Variants in TXNDC16 observed in about 807,000 individuals in gnomAD.
TXNDC16 encodes thioredoxin domain containing 16.
In TXNDC16, 74 loss-of-function variants were observed where a neutral mutation model predicts 85.6. That is an observed-to-expected ratio of 0.86 (90% confidence interval 0.72 to 1.05). The LOEUF (loss-of-function observed/expected upper bound fraction) is 1.05. Among genes scored for constraint, TXNDC16 ranks in the 50% least tolerant of loss-of-function variants. The pLI, the probability that TXNDC16 is intolerant of heterozygous loss-of-function variation, is 0.00. For missense variants in TXNDC16, 959 were observed against 947.0 expected (o/e 1.01, Z -0.17); for synonymous variants, 335 against 326.5 (o/e 1.03, Z -0.28).
At chr14:52,533,309 T>A (rs149706728) in intron 6 of TXNDC16, among the ~76,000 whole-genome samples, 8 of 152,300 alleles carry the variant, frequency 5.3e-5, no homozygotes, top group Admixed American at 1.3e-4. Context: ...ATTAACAAGT[T>A]TGTAGTTTTA....
intron 12 of TXNDC16, among the ~76,000 whole-genome samples, chr14:52,488,093 G>A (rs1187050545): frequency 6.6e-6 from 1 of 152,216 alleles, no homozygotes; most frequent in African/African-American, 2.4e-5. Flanking sequence ...ACGGCTGAAA[G>A]AACTGATATG....
intron 9 of TXNDC16, among the ~76,000 whole-genome samples, chr14:52,505,059 A>C (rs941762263): frequency 1.3e-5 from 2 of 152,250 alleles, no homozygotes; most frequent in African/African-American, 4.8e-5. Flanking sequence ...AGGAGTAACC[A>C]GATTCATAAA....
At chr14:52,550,833 A>G (rs529706102) in intron 1 of TXNDC16, among the ~76,000 whole-genome samples, 1 of 152,316 alleles carries the variant, frequency 6.6e-6, no homozygotes, top group East Asian at 1.9e-4. Context: ...ACTTAAGCAC[A>G]TTACTGCAAT....
At chr14:52,531,087 T>TA (rs2037566640) in intron 6 of TXNDC16, among the ~76,000 whole-genome samples, 1 of 152,024 alleles carries the variant, frequency 6.6e-6, no homozygotes, top group Non-Finnish European at 1.5e-5. Context: ...CTCCACATCA[T>TA]AAGTCATCAG....
At chr14:52,534,471 T>C (rs1195224190) in intron 6 of TXNDC16, among the ~76,000 whole-genome samples, 7 of 152,202 alleles carry the variant, frequency 4.6e-5, no homozygotes, top group Non-Finnish European at 2.9e-5. Flanking sequence ...AGACAATTCT[T>C]CTTCCGATGT....
chr14:52,439,286 T>C lies in TXNDC16; in HGVS notation c.2112A>G (p.Ala704=). The part of the protein sequence containing the change: ...VNLHSGGQVF[A]FPSDQAIIEE... ...CAATTATAGCCTGGTCTGAAGGAAA[T>C]GCAAATACTTGGCCACCTGAATGCA... Residue 704 remains alanine (A), a synonymous_variant, in exon 20 of 21, where the codon GCA becomes GCG. Coordinates refer to ENST00000281741, the MANE Select transcript of TXNDC16 (RefSeq NM_020784.3). 1 of 1,614,068 alleles carries C rather than the reference T, an allele frequency of 6.2e-7. No homozygotes were observed. The highest frequency in any genetic ancestry group is 8.5e-7 in the Non-Finnish European group (1 of 1,179,998).
intron 7 of TXNDC16, among the ~76,000 whole-genome samples, chr14:52,518,376 A>G (rs1280054320): frequency 6.6e-6 from 1 of 152,220 alleles, no homozygotes; most frequent in Non-Finnish European, 1.5e-5. Context: ...AGTGAATTCC[A>G]AGAGCTTCCT....
intron 11 of TXNDC16, 37 bp downstream of exon 11, chr14:52,490,354 A>T: frequency 2.8e-6 from 4 of 1,430,402 alleles, no homozygotes; most frequent in Non-Finnish European, 3.8e-6. Context: ...TTCTTTAAAT[A>T]AACAGATATT....
intron 16 of TXNDC16, among the ~76,000 whole-genome samples, chr14:52,463,949 T>C (rs886097031): frequency 1.3e-5 from 2 of 152,164 alleles, no homozygotes; most frequent in Admixed American, 6.5e-5. Flanking sequence ...GGAACGAATA[T>C]CTAACTGACA....
intron 14 of TXNDC16, among the ~76,000 whole-genome samples, chr14:52,480,577 A>G (rs958226981): frequency 1.3e-5 from 2 of 152,150 alleles, no homozygotes; most frequent in African/African-American, 2.4e-5. Flanking sequence ...AAAATGCTCA[A>G]CAACACCAAT....
chr14:52,502,936 T>G (rs10144819), intron 9 of TXNDC16, among the ~76,000 whole-genome samples: 2 of 151,986 alleles, frequency 1.3e-5, no homozygotes, highest in African/African-American at 2.4e-5. Flanking sequence ...TATCCCGCGC[T>G]TGAGGGCTCC....
At chr14:52,467,087 G>T (rs542528707) in intron 16 of TXNDC16, among the ~76,000 whole-genome samples, 1 of 151,710 alleles carries the variant, frequency 6.6e-6, no homozygotes, top group African/African-American at 2.4e-5. Flanking sequence ...AATAGGTAAA[G>T]TGAATAAAAT....
chr14:52,436,221 G>A (rs779873987), intron 20 of TXNDC16, among the ~76,000 whole-genome samples: 1 of 152,146 alleles, frequency 6.6e-6, no homozygotes, highest in Non-Finnish European at 1.5e-5. Flanking sequence ...CCTTGCAGTG[G>A]AATATTATTC....
At chr14:52,490,474 GT>G in intron 10 of TXNDC16, 23 bp from the exon 11 acceptor site, 1 of 1,562,074 alleles carries the variant, frequency 6.4e-7, no homozygotes, top group Non-Finnish European at 8.7e-7. Context: ...GGAAATAAAT[GT>G]TTTATGTTGC....
rs369937145 is a variant in TXNDC16 at position 52,511,470 on chromosome 14, T to C, written c.606-80A>G. 22 of 932,816 alleles carry C rather than the reference T, an allele frequency of 2.4e-5. No homozygotes were observed. In the African/African-American group the frequency reaches 3.0e-4, roughly 13 times the overall value. The allele number at this position is 932,816 out of a possible 1,614,324, so 57.8% of individuals were successfully genotyped here. On this transcript the variant is annotated intron_variant, in intron 8 of 20. Coordinates refer to ENST00000281741, the MANE Select transcript of TXNDC16 (RefSeq NM_020784.3). ...ATCCAATAAGCTGTAACAATGAATT[T>C]TGTCTTAAGTCTCATGCTTTTGAAT...
intron 6 of TXNDC16, among the ~76,000 whole-genome samples, chr14:52,527,331 A>G (rs74053515): frequency 0.096 from 14,673 of 152,156 alleles, 829 homozygotes; most frequent in East Asian, 0.17. Context: ...ATAAGAGGAC[A>G]CCCCGCTGAT....
At chr14:52,448,441 A>G (rs2035334096) in intron 18 of TXNDC16, among the ~76,000 whole-genome samples, 1 of 152,112 alleles carries the variant, frequency 6.6e-6, no homozygotes, top group Non-Finnish European at 1.5e-5. Context: ...ACTGGTGAAA[A>G]TATCCTTCAA....
intron 9 of TXNDC16, among the ~76,000 whole-genome samples, chr14:52,510,080 A>G (rs935850634): frequency 2.0e-5 from 3 of 152,204 alleles, no homozygotes; most frequent in Admixed American, 1.3e-4. Context: ...GCTTTTTAAG[A>G]AGAGGGAATT....
rs200402895 is a variant in TXNDC16 at position 52,432,449 on chromosome 14, T to C, written c.2333A>G (p.Lys778Arg). ...MKETDVQEND[K>R]EQHEDKSAVR... is the part of the protein sequence containing the mutation. The stretch of plus-strand genomic sequence containing the variant: ...TGCCGATTTATCTTCATGTTGTTCC[T>C]TATCATTCTCCTGCACATCTGTTTC... The change falls in exon 21 of 21, where the codon AAG becomes AGG. Residue 778 changes from lysine (K) to arginine (R), a missense_variant. Physicochemically the swap from Lys to Arg is conservative, Grantham distance 26 (BLOSUM62 2). Transcript: ENST00000281741. The C allele has an allele frequency of 1.3e-4, 215 of 1,614,092 alleles. No individual in the cohort carries two copies. The highest frequency in any genetic ancestry group is 2.8e-4 in the Admixed American group (17 of 60,018).
Sources: gnomAD v4.1 joint callset for allele counts (sites outside exome capture counted in the v4.1 genomes callset) on GRCh38, gnomAD v4.1.1 for gene constraint, MANE v1.5 for transcripts, NCBI Gene and HGNC (gene_info 2026-07-23, HGNC 2026-07-21) for gene names.